The following RBM5 variants were observed in gnomAD, a reference collection of about 807,000 sequenced individuals.
The protein encoded by RBM5 is RNA binding motif protein 5.
A neutral mutation model predicts 124.6 loss-of-function variants in RBM5; 15 were observed. The observed-to-expected ratio is 0.12, with a 90% CI of 0.08 to 0.19. RBM5 has a LOEUF of 0.19. RBM5 is among the 10% of genes least tolerant of loss of function. RBM5 has a pLI of 1.00. For missense variants in RBM5, 580 were observed against 1,026.5 expected, an observed-to-expected ratio of 0.57 and a Z score of 5.94; for synonymous variants, 337 against 361.2, an observed-to-expected ratio of 0.93 and a Z score of 0.76.
At chr3:50,107,643 GGTACTCGCAGT>G in intron 12 of RBM5, 74 bp downstream of exon 12, 1 of 766,868 alleles carries the variant, frequency 1.3e-6, no homozygotes, top group Non-Finnish European at 2.2e-6. Flanking sequence ...CCTCTCCTGT[GGTACTCGCAGT>G]ATGAGCTCTT....
At chr3:50,089,651 G>A (rs1298437490) in intron 1 of RBM5, among the ~76,000 whole-genome samples, 1 of 152,172 alleles carries the variant, frequency 6.6e-6, no homozygotes, top group African/African-American at 2.4e-5. Context: ...TCAACAAATC[G>A]TTGAGCATTC....
Position 50,106,802 on chromosome 3 carries a change from C to T in RBM5, c.891C>T (p.Leu297=). The change falls in exon 11 of 25, where the codon CTC becomes CTT. Residue 297 remains leucine, a synonymous_variant. Transcript: ENST00000347869. ...ASQLLQILQS[L]HPPLKIDGKT... ...AGCTGCTTCAGATATTACAGAGTCT[C>T]CATCCTCCTTTGAAAATTGATGGCA... 2 of 1,613,174 alleles carry T rather than the reference C, an allele frequency of 1.2e-6. No homozygotes were observed. The highest frequency in any genetic ancestry group is 8.5e-7 in the Non-Finnish European group (1 of 1,179,150).
chr3:50,095,065 GT>G (rs1320050745), intron 4 of RBM5, among the ~76,000 whole-genome samples: 3 of 152,122 alleles, frequency 2.0e-5, no homozygotes, highest in Non-Finnish European at 4.4e-5. Context: ...AGGTGTGGTG[GT>G]GCATACCTGT....
At chr3:50,098,509 C>T (rs537618641) in intron 4 of RBM5, among the ~76,000 whole-genome samples, 1 of 152,090 alleles carries the variant, frequency 6.6e-6, no homozygotes, top group East Asian at 2.0e-4. Flanking sequence ...GTGGCGCGAT[C>T]TCGGCTCACT....
chr3:50,106,709 T>G, intron 10 of RBM5, 58 bp from the exon 11 acceptor site: 1 of 1,204,458 alleles, frequency 8.3e-7, no homozygotes, highest in Non-Finnish European at 1.2e-6. Flanking sequence ...ATGGGGTGGA[T>G]GGTAGGGAGA....
Position 50,100,949 on chromosome 3 carries a change from G to C in RBM5, c.483+344G>C, listed in dbSNP as rs1056976811. On this transcript the variant is annotated intron_variant, in intron 6 of 24. Transcript: ENST00000347869. The surrounding 1 kb of genome is among the most constrained non-coding windows in gnomAD (Gnocchi z 5.1). ...GCTTAGTATATCAAACTCTCCATTT[G>C]ACAGTGAAGAGAACATAGTGAAAGT... 2 of 188,612 alleles carry C rather than the reference G, an allele frequency of 1.1e-5. No homozygotes were observed. The highest frequency in any genetic ancestry group is 2.2e-5 in the Non-Finnish European group (2 of 92,482). 11.7% of individuals were successfully genotyped at this position (188,612 alleles called of 1,614,324 possible). A position where few individuals can be genotyped will look rare whatever the true frequency, so the allele number is the denominator to read the frequency against.
At chr3:50,110,282 C>A in intron 15 of RBM5, 97 bp from the exon 16 acceptor site, 1 of 987,672 alleles carries the variant, frequency 1.0e-6, no homozygotes, top group South Asian at 1.5e-5. Context: ...TACAGTGTGT[C>A]TGTCAGGGGA....
In RBM5 at chr3:50,114,197, G is replaced by C; in HGVS notation, c.1785G>C (p.Arg595Ser). 1 of 1,613,562 alleles carries C rather than the reference G, an allele frequency of 6.2e-7. No individual in the cohort carries two copies. The highest frequency in any genetic ancestry group is 2.2e-5 in the East Asian group (1 of 44,886). ...LFEKKGALAE[R>S]QQLIPELVRN... ...TTTCCCAGGGAGCCTTAGCTGAAAGGCAGCAGCTCATCCCAGAATTGGTGC... is the reference window on the plus strand; with the variant it reads ...TTTCCCAGGGAGCCTTAGCTGAAAGCCAGCAGCTCATCCCAGAATTGGTGC... The change falls in exon 20 of 25, where the codon AGG becomes AGC. Residue 595 changes from arginine to serine, a missense_variant. Coordinates refer to ENST00000347869, the MANE Select transcript of RBM5 (RefSeq NM_005778.4).
chr3:50,094,624 T>C (rs944474273), intron 4 of RBM5, among the ~76,000 whole-genome samples: 1 of 152,122 alleles, frequency 6.6e-6, no homozygotes, highest in Non-Finnish European at 1.5e-5. Flanking sequence ...AGCTGGCAGG[T>C]GCATGCCACC....
chr3:50,111,510 G>A (rs945542529), intron 17 of RBM5, among the ~76,000 whole-genome samples: 2 of 152,024 alleles, frequency 1.3e-5, no homozygotes, highest in Non-Finnish European at 2.9e-5. Flanking sequence ...CTGAGTAGCT[G>A]GTAGCTGGGA....
chr3:50,100,082 G>T lies in RBM5; in HGVS notation c.409+31G>T. On this transcript the variant is annotated intron_variant, in intron 5 of 24. Coordinates refer to ENST00000347869, the MANE Select transcript of RBM5 (RefSeq NM_005778.4). The surrounding 1 kb of genome is among the most constrained non-coding windows in gnomAD (Gnocchi z 5.1). The stretch of plus-strand genomic sequence containing the variant: ...AGCTTGCTTAGTTCCTGATATTATT[G>T]TTCTCTTCCCCATTCCCACCTCAGT... 2 of 1,596,922 alleles carry T rather than the reference G, an allele frequency of 1.3e-6. No individual in the cohort carries two copies. Among genetic ancestry groups the T allele is most frequent in the African/African-American group, 1.3e-5 (1 of 74,702 alleles).
At chr3:50,090,477 G>A in intron 2 of RBM5, 26 bp downstream of exon 2, 1 of 1,612,934 alleles carries the variant, frequency 6.2e-7, no homozygotes, top group Non-Finnish European at 8.5e-7. Flanking sequence ...ACGTGGCTTT[G>A]ATCTCAACAT....
rs2091301729 is a variant in RBM5, at chr3:50,118,603, C to G, written c.*147C>G. 3 of 1,277,376 alleles carry G rather than the reference C, an allele frequency of 2.3e-6. No homozygotes were observed. Among genetic ancestry groups the G allele is most frequent in the African/African-American group, 1.5e-5 (1 of 67,132 alleles). The allele number at this position is 1,277,376 out of a possible 1,614,324, so 79.1% of individuals were successfully genotyped here. ...CTTCATTCTGCAGGGTTCTCCCTCC[C>G]ACCTTAAAGAAGTTCCCCTTATGTG... On this transcript the variant is annotated 3_prime_UTR_variant, in exon 25 of 25. Coordinates refer to ENST00000347869, the MANE Select transcript of RBM5 (RefSeq NM_005778.4).
intron 24 of RBM5, 108 bp from the exon 25 acceptor site, chr3:50,118,223 T>A (rs1291588842): frequency 2.1e-6 from 3 of 1,441,430 alleles, no homozygotes; most frequent in African/African-American, 2.8e-5. Context: ...TACAGTTTTC[T>A]CTCTTCTGTC....
chr3:50,113,435 A>G lies in RBM5; in HGVS notation c.1508A>G (p.Glu503Gly). Residue 503 changes from glutamate (E) to glycine (G), a missense_variant, in exon 18 of 25, where the codon GAG becomes GGG. Physicochemically the swap from Glu to Gly is moderately conservative, Grantham distance 98. Coordinates refer to ENST00000347869, the MANE Select transcript of RBM5 (RefSeq NM_005778.4). Reference sequence around the variant, plus strand: ...TACCTTTACTGGGATGGGGAAAAAGAGACCTACGTGCCAGCTGCAGAGTCT... The same window carrying G: ...TACCTTTACTGGGATGGGGAAAAAGGGACCTACGTGCCAGCTGCAGAGTCT... ...QQYLYWDGEK[E>G]TYVPAAESSS... The G allele has an allele frequency of 1.2e-6, 2 of 1,614,078 alleles. No homozygotes were observed. The highest frequency in any genetic ancestry group is 1.7e-6 in the Non-Finnish European group (2 of 1,180,010).
intron 17 of RBM5, 168 bp downstream of exon 17, chr3:50,110,938 T>C: frequency 1.7e-6 from 1 of 596,002 alleles, no homozygotes; most frequent in Non-Finnish European, 2.9e-6. Flanking sequence ...TAAGTTTTAA[T>C]TGTAGGGTTA....
intron 7 of RBM5, among the ~76,000 whole-genome samples, chr3:50,103,982 C>A (rs2090988905): frequency 6.6e-6 from 1 of 152,176 alleles, no homozygotes. Flanking sequence ...CAGTGGCTTG[C>A]TGTAGAGTTT....
At chr3:50,104,126 G>A in intron 7 of RBM5, 122 bp from the exon 8 acceptor site, 1 of 758,404 alleles carries the variant, frequency 1.3e-6, no homozygotes, top group East Asian at 2.7e-5. Context: ...CCATGTCTCA[G>A]CTACGTGAGA....
intron 10 of RBM5, 55 bp downstream of exon 10, chr3:50,105,764 T>C (rs1029867929): frequency 5.1e-6 from 8 of 1,578,126 alleles, no homozygotes; most frequent in Non-Finnish European, 6.9e-6. Flanking sequence ...AAGAGGCAAA[T>C]GTGGTTCATC....
Sources: gnomAD v4.1 joint callset for allele counts (sites outside exome capture counted in the v4.1 genomes callset) on GRCh38, gnomAD v4.1.1 for gene constraint, Gnocchi (gnomAD v3.1) non-coding constraint, MANE v1.5 for transcripts, NCBI Gene and HGNC (gene_info 2026-07-23, HGNC 2026-07-21) for gene names.